USP7: variants seen among roughly 807,000 people sequenced by gnomAD.
The protein encoded by USP7 is ubiquitin specific peptidase 7.
A neutral mutation model predicts 162.9 loss-of-function variants in USP7; 9 were observed. The observed-to-expected ratio is 0.06, with a 90% CI of 0.03 to 0.10. USP7 has a LOEUF of 0.10. USP7 is among the 10% of genes least tolerant of loss of function. USP7 has a pLI of 1.00. For synonymous variants in USP7, 562 were observed against 475.9 expected, an observed-to-expected ratio of 1.18 and a Z score of -2.35; for missense variants, 715 against 1,373.7, an observed-to-expected ratio of 0.52 and a Z score of 7.58.
intron 10 of USP7, among the ~76,000 whole-genome samples, chr16:8,914,619 G>A (rs563908335): frequency 1.3e-5 from 2 of 152,242 alleles, no homozygotes; most frequent in Non-Finnish European, 2.9e-5. Context: ...AATGTGCTGG[G>A]CAAAAGGAAT....
intron 11 of USP7, among the ~76,000 whole-genome samples, chr16:8,910,344 TCAG>T (rs2061927350): frequency 6.6e-6 from 1 of 152,136 alleles, no homozygotes; most frequent in Admixed American, 6.5e-5. Flanking sequence ...GTCGTGATCC[TCAG>T]AAAACTAAAT....
chr16:8,905,164 G>A (rs201987652), intron 14 of USP7, 23 bp downstream of exon 14: 2 of 1,610,144 alleles, frequency 1.2e-6, no homozygotes, highest in Admixed American at 3.3e-5. Context: ...GTAAAGAACA[G>A]AACAAAAGTG....
At chr16:8,928,817 T>C (rs900053980) in intron 2 of USP7, among the ~76,000 whole-genome samples, 1 of 152,166 alleles carries the variant, frequency 6.6e-6, no homozygotes, top group Non-Finnish European at 1.5e-5. Context: ...TAGTGAAATG[T>C]ACCTCAAAAG....
In USP7 at chr16:8,924,466, A is replaced by AG. The variant is rs1277977879; in HGVS notation, c.185-1054dup. On this transcript the variant is annotated intron_variant, in intron 2 of 30. Transcript: ENST00000344836. ...ACACCAAGGGCCAAGCTCTACAGGC[A>AG]GTGCCTGGAAGGCTGTTCCCGGCTT... is the stretch of plus-strand genomic sequence containing the variant. 5.3e-5 allele frequency among the ~76,000 whole-genome samples: 8 copies of AG among 152,270 alleles called. No homozygotes were observed. In the East Asian group the frequency reaches 1.3e-3, roughly 26 times the overall value.
At chr16:8,939,062 G>A (rs930547992) in intron 1 of USP7, among the ~76,000 whole-genome samples, 4 of 152,102 alleles carry the variant, frequency 2.6e-5, no homozygotes, top group Non-Finnish European at 4.4e-5. Context: ...CCTGCCTGCA[G>A]TATCAACAGC....
intron 16 of USP7, among the ~76,000 whole-genome samples, chr16:8,902,733 C>T (rs2061795379): frequency 6.6e-6 from 1 of 151,984 alleles, no homozygotes; most frequent in African/African-American, 2.4e-5. Flanking sequence ...ACTAAAAATA[C>T]AAAAATCAGC....
At chr16:8,920,480 A>G (rs753869740) in intron 4 of USP7, 33 bp from the exon 5 acceptor site, 4 of 1,564,778 alleles carry the variant, frequency 2.6e-6, no homozygotes, top group African/African-American at 1.4e-5. Context: ...TCCAGCTTGA[A>G]TAAGAACACA....
chr16:8,903,384 A>C lies in USP7; in HGVS notation c.1723T>G (p.Phe575Val). 1 of 1,614,020 alleles carries C rather than the reference A, an allele frequency of 6.2e-7. No homozygotes were observed. The highest frequency in any genetic ancestry group is 8.5e-7 in the Non-Finnish European group (1 of 1,179,938). ...ATGTCATTCCCTTGGTGGCCACAAA[A>C]CTGGTCCTCTGCGACTATCTGAAAA... ...MQVQIVAEDQFCGHQGNDMYD... is the reference protein window; with the variant it reads ...MQVQIVAEDQVCGHQGNDMYD... The change falls in exon 16 of 31, where the codon TTT becomes GTT. Residue 575 changes from phenylalanine to valine, a missense_variant. Coordinates refer to ENST00000344836, the MANE Select transcript of USP7 (RefSeq NM_003470.3).
chr16:8,926,967 C>T (rs2141223255), intron 2 of USP7, among the ~76,000 whole-genome samples: 1 of 152,304 alleles, frequency 6.6e-6, no homozygotes, highest in Non-Finnish European at 1.5e-5. Flanking sequence ...TTTGTTACAG[C>T]AATTTTATCC....
intron 2 of USP7, among the ~76,000 whole-genome samples, chr16:8,923,782 C>T (rs1032813917): frequency 6.6e-6 from 1 of 152,100 alleles, no homozygotes; most frequent in Non-Finnish European, 1.5e-5. Context: ...TGTTCAAGGA[C>T]GGGACTTCTG....
intron 1 of USP7, among the ~76,000 whole-genome samples, chr16:8,939,915 C>T (rs745314105): frequency 1.3e-5 from 2 of 152,136 alleles, no homozygotes; most frequent in Non-Finnish European, 2.9e-5. Context: ...CTGGCTAACA[C>T]GGTGAAACCC....
chr16:8,933,044 G>A (rs550968979), intron 1 of USP7, among the ~76,000 whole-genome samples: 3 of 152,082 alleles, frequency 2.0e-5, no homozygotes, highest in East Asian at 1.9e-4. Context: ...GGGTGCCAGC[G>A]ATTCTCCTGC....
intron 10 of USP7, among the ~76,000 whole-genome samples, chr16:8,911,861 T>C (rs144774845): frequency 1.0e-3 from 153 of 152,260 alleles, no homozygotes; most frequent in African/African-American, 3.5e-3. Flanking sequence ...AGGATGAGGA[T>C]TGGGGGGAAC....
In USP7 at chr16:8,921,072, A is replaced by AT. The variant is rs547008262; in HGVS notation, c.522+84_522+85insA. On this transcript the variant is annotated intron_variant, in intron 4 of 30. Coordinates refer to ENST00000344836, the MANE Select transcript of USP7 (RefSeq NM_003470.3). ...AAAGTAAAAATCTGACTCTAAAATCAATAAAGGACTTGAAAAATCAAAAAG... is the reference window on the plus strand; with the variant it reads ...AAAGTAAAAATCTGACTCTAAAATCATATAAAGGACTTGAAAAATCAAAAAG... 3.7e-4 allele frequency: 532 copies of AT among 1,449,604 alleles called. 9 individuals are homozygous for AT. The East Asian group carries it at 1.0e-2, about 27-fold the overall frequency. The allele number at this position is 1,449,604 out of a possible 1,614,324, so 89.8% of individuals were successfully genotyped here.
At chr16:8,914,510 A>T (rs2061999073) in intron 10 of USP7, among the ~76,000 whole-genome samples, 1 of 152,228 alleles carries the variant, frequency 6.6e-6, no homozygotes, top group Admixed American at 6.5e-5. Context: ...CAAAAGAAGA[A>T]AGATTTCAAA....
chr16:8,925,444 T>C (rs1453461583), intron 2 of USP7, among the ~76,000 whole-genome samples: 1 of 152,166 alleles, frequency 6.6e-6, no homozygotes, highest in Non-Finnish European at 1.5e-5. Flanking sequence ...CCCATCTATT[T>C]TATATAATTC....
intron 1 of USP7, among the ~76,000 whole-genome samples, chr16:8,947,151 A>C (rs1485548315): frequency 6.6e-6 from 1 of 152,240 alleles, no homozygotes; most frequent in Non-Finnish European, 1.5e-5. Flanking sequence ...ATTACACTGC[A>C]GCTGACTGAA....
At position 8,904,550 on chromosome 16, in the gene USP7, G is replaced by C. The variant is rs763719614; in HGVS notation, c.1589C>G (p.Ala530Gly). 6.2e-7 allele frequency: 1 copy of C among 1,613,830 alleles called. No individual in the cohort carries two copies. Among genetic ancestry groups the C allele is most frequent in the Non-Finnish European group, 8.5e-7 (1 of 1,180,012 alleles). The change falls in exon 15 of 31, where the codon GCG (alanine) becomes GGG (glycine). Residue 530 changes from alanine to glycine, a missense_variant. Physicochemically the swap from Ala to Gly is moderately conservative, Grantham distance 60. This residue lies in a region of USP7 where 197 missense variants were observed against 306.5 expected (regional missense o/e 0.64). Coordinates refer to ENST00000344836, the MANE Select transcript of USP7 (RefSeq NM_003470.3). ...RESKLSEVLQAVTDHDIPQQL... is the reference protein window; with the variant it reads ...RESKLSEVLQGVTDHDIPQQL... ...CTGAGGAATATCATGGTCGGTGACC[G>C]CCTGTAAAACTTCACCTGCAGGACA... is the stretch of plus-strand genomic sequence containing the variant.
intron 20 of USP7, 133 bp from the exon 21 acceptor site, chr16:8,900,763 G>T: frequency 1.3e-6 from 1 of 751,392 alleles, no homozygotes; most frequent in Non-Finnish European, 2.1e-6. Context: ...ATGTTAACAG[G>T]AAAAGCTAAA....
Sources: gnomAD v4.1 joint callset for allele counts (sites outside exome capture counted in the v4.1 genomes callset) on GRCh38, gnomAD v4.1.1 for gene constraint, gnomAD v4.1.1 regional missense constraint, MANE v1.5 for transcripts, NCBI Gene and HGNC (gene_info 2026-07-23, HGNC 2026-07-21) for gene names.